The following CNTN4 variants were observed in gnomAD, a reference collection of about 807,000 sequenced individuals.
The protein encoded by CNTN4 is contactin-4.
Under a neutral mutation model 122.5 loss-of-function variants are expected in CNTN4, and 77 were observed. The observed-to-expected ratio is 0.63, with a 90% CI of 0.52 to 0.76. The LOEUF (loss-of-function observed/expected upper bound fraction) is 0.76, where lower values mean the gene tolerates loss of function less well. Ranked by LOEUF, CNTN4 falls within the 30% of genes least tolerant of loss-of-function variation. The pLI is 0.00. For missense variants in CNTN4, 1,256 were observed against 1,259.1 expected, an observed-to-expected ratio of 1.00 and a Z score of 0.04; for synonymous variants, 512 against 447.0, an observed-to-expected ratio of 1.15 and a Z score of -1.83.
intron 6 of CNTN4, among the ~76,000 whole-genome samples, chr3:2,802,254 G>T (rs1463099769): frequency 1.3e-5 from 2 of 152,126 alleles, no homozygotes; most frequent in Admixed American, 6.5e-5. Flanking sequence ...GTCATTTGTG[G>T]ACTTGTGAAG....
At chr3:2,397,460 T>G (rs1165692713) in intron 3 of CNTN4, among the ~76,000 whole-genome samples, 1 of 152,070 alleles carries the variant, frequency 6.6e-6, no homozygotes, top group Non-Finnish European at 1.5e-5. Context: ...TTCCGTTTTG[T>G]GAGCACAAGA....
intron 2 of CNTN4, among the ~76,000 whole-genome samples, chr3:2,184,130 C>G (rs1451203222): frequency 1.3e-5 from 2 of 152,048 alleles, no homozygotes; most frequent in African/African-American, 2.4e-5. Context: ...CACCATCACA[C>G]GTGGCTAATT....
chr3:2,980,179 C>G (rs1693830158), intron 13 of CNTN4, among the ~76,000 whole-genome samples: 2 of 152,148 alleles, frequency 1.3e-5, no homozygotes, highest in South Asian at 2.1e-4. Flanking sequence ...CCAAAATCTC[C>G]AAATGACAGT....
intron 10 of CNTN4, among the ~76,000 whole-genome samples, chr3:2,895,397 C>G (rs1254905476): frequency 8.5e-5 from 13 of 152,200 alleles, no homozygotes; most frequent in Admixed American, 5.9e-4. Context: ...ATCTCGCATA[C>G]AGATTACTTC....
chr3:2,730,473 C>CT (rs112257540), intron 4 of CNTN4, among the ~76,000 whole-genome samples: 44,049 of 151,938 alleles, frequency 0.29, 7,632 homozygotes, highest in African/African-American at 0.48. Flanking sequence ...TTTGACTTAC[C>CT]TTTTTACTAT....
chr3:2,300,469 GA>G (rs1278793225), intron 2 of CNTN4, among the ~76,000 whole-genome samples: 1 of 146,484 alleles, frequency 6.8e-6, no homozygotes, highest in African/African-American at 2.5e-5. Flanking sequence ...TGTTTGTTTT[GA>G]GCTAAAATAG....
At chr3:2,295,160 C>A (rs1213107809) in intron 2 of CNTN4, among the ~76,000 whole-genome samples, 1 of 145,670 alleles carries the variant, frequency 6.9e-6, no homozygotes, top group Non-Finnish European at 1.5e-5. Context: ...GTCTTTATAG[C>A]AGCATGATTT....
At chr3:3,024,407 A>C (rs1454619974) in intron 14 of CNTN4, among the ~76,000 whole-genome samples, 1 of 148,052 alleles carries the variant, frequency 6.8e-6, no homozygotes. Flanking sequence ...AAAAAAAAAA[A>C]ACAACTTCAT....
At chr3:2,917,262 C>T (rs1314660790) in intron 12 of CNTN4, among the ~76,000 whole-genome samples, 1 of 151,322 alleles carries the variant, frequency 6.6e-6, no homozygotes, top group Non-Finnish European at 1.5e-5. Context: ...CACAGTCCAG[C>T]TTCGGCATCA....
At chr3:2,420,734 A>C (rs2047584402) in intron 3 of CNTN4, among the ~76,000 whole-genome samples, 1 of 151,968 alleles carries the variant, frequency 6.6e-6, no homozygotes, top group Non-Finnish European at 1.5e-5. Context: ...GCCTGGCCAA[A>C]TGTTCTTTAC....
intron 16 of CNTN4, among the ~76,000 whole-genome samples, chr3:3,031,989 T>G (rs1456595800): frequency 6.6e-6 from 1 of 152,152 alleles, no homozygotes; most frequent in Non-Finnish European, 1.5e-5. Context: ...CTGTATCCTC[T>G]AGGCATAATG....
Position 2,627,133 on chromosome 3 carries a change from T to G in CNTN4, c.55+55575T>G, listed in dbSNP as rs1289570182. ...GGGAGACCTCCTGGGATGCAGGACT[T>G]TTAGTGCTGAAACCAAGCCCCAGGT... is the stretch of plus-strand genomic sequence containing the variant. On this transcript the variant is annotated intron_variant, in intron 4 of 24. Coordinates refer to ENST00000418658, the MANE Select transcript of CNTN4 (RefSeq NM_175607.3). Among the ~76,000 whole-genome samples, 4 of 152,186 alleles carry G rather than the reference T, an allele frequency of 2.6e-5. No homozygotes were observed. In the East Asian group the frequency reaches 7.7e-4, roughly 29 times the overall value.
At chr3:2,279,007 T>C (rs961446504) in intron 2 of CNTN4, among the ~76,000 whole-genome samples, 1 of 151,966 alleles carries the variant, frequency 6.6e-6, no homozygotes, top group Non-Finnish European at 1.5e-5. Context: ...AAGTTAAAAT[T>C]AAGGTTTTGA....
intron 12 of CNTN4, among the ~76,000 whole-genome samples, chr3:2,907,302 G>C (rs2094246576): frequency 6.6e-6 from 1 of 152,202 alleles, no homozygotes; most frequent in African/African-American, 2.4e-5. Context: ...GCCGGGTGTA[G>C]TGGCTCACGC....
At chr3:2,578,944 C>T (rs529880342) in intron 4 of CNTN4, among the ~76,000 whole-genome samples, 29 of 152,142 alleles carry the variant, frequency 1.9e-4, no homozygotes, top group Non-Finnish European at 3.7e-4. Flanking sequence ...TTCTTTTCAA[C>T]ATAAATTTAA....
chr3:2,425,366 A>C (rs1575601820), intron 3 of CNTN4, among the ~76,000 whole-genome samples: 1 of 152,212 alleles, frequency 6.6e-6, no homozygotes, highest in South Asian at 2.1e-4. Flanking sequence ...GGTTTGTCAA[A>C]GATCAGATGG....
chr3:2,400,518 C>G (rs1354580933), intron 3 of CNTN4, among the ~76,000 whole-genome samples: 1 of 146,054 alleles, frequency 6.8e-6, no homozygotes, highest in East Asian at 2.0e-4. Flanking sequence ...ATCCACCCTT[C>G]CTCCTGCCAC....
chr3:2,218,961 G>C (rs1322083751), intron 2 of CNTN4, among the ~76,000 whole-genome samples: 1 of 152,200 alleles, frequency 6.6e-6, no homozygotes, highest in Non-Finnish European at 1.5e-5. Flanking sequence ...CTGTTAGAGA[G>C]AATGCCGGAG....
intron 4 of CNTN4, among the ~76,000 whole-genome samples, chr3:2,667,857 C>T (rs1270690926): frequency 6.6e-6 from 1 of 151,998 alleles, no homozygotes; most frequent in African/African-American, 2.4e-5. Flanking sequence ...GAATCCTTTG[C>T]CCATTTCTTG....
Sources: gnomAD v4.1 joint callset for allele counts (sites outside exome capture counted in the v4.1 genomes callset) on GRCh38, gnomAD v4.1.1 for gene constraint, MANE v1.5 for transcripts, NCBI Gene and HGNC (gene_info 2026-07-23, HGNC 2026-07-21) for gene names.